Variants in SNTG1 observed in about 807,000 individuals in gnomAD.
SNTG1 encodes the protein gamma-1-syntrophin.
SNTG1 carries 39 observed loss-of-function variants against 74.7 expected under a neutral mutation model. That is an observed-to-expected ratio of 0.52 (90% CI 0.40 to 0.68). The LOEUF is 0.68. Among genes scored for constraint, SNTG1 ranks in the 30% least tolerant of loss-of-function variants. SNTG1 has a pLI of 0.00. For synonymous variants in SNTG1, 254 were observed against 217.1 expected, an observed-to-expected ratio of 1.17 and a Z score of -1.49; for missense variants, 685 against 609.5, an observed-to-expected ratio of 1.12 and a Z score of -1.30.
intron 9 of SNTG1, among the ~76,000 whole-genome samples, chr8:50,529,873 A>AGCAG (rs2094252064): frequency 6.6e-6 from 1 of 152,044 alleles, no homozygotes; most frequent in African/African-American, 2.4e-5. Context: ...GGTTTCTAAG[A>AGCAG]GCAGGCCACT....
At chr8:50,085,737 T>C (rs1045198803) in intron 1 of SNTG1, among the ~76,000 whole-genome samples, 1 of 152,194 alleles carries the variant, frequency 6.6e-6, no homozygotes, top group Non-Finnish European at 1.5e-5. Context: ...AGCTCATTAA[T>C]TCATCCACCA....
Position 50,061,441 on chromosome 8 carries a change from T to C in SNTG1, c.-102-111120T>C, listed in dbSNP as rs533931166. 3.3e-5 allele frequency among the ~76,000 whole-genome samples: 5 copies of C among 152,222 alleles called. No homozygotes were observed. The South Asian group carries it at 1.0e-3, about 32-fold the overall frequency. ...GTCATTTGTGCTAACAGTTTAATTTTATTGATTCTTTTAGAAAACCAGTTT... is the reference window on the plus strand; with the variant it reads ...GTCATTTGTGCTAACAGTTTAATTTCATTGATTCTTTTAGAAAACCAGTTT... On this transcript the variant is annotated intron_variant, in intron 1 of 18. Coordinates refer to ENST00000642720, the MANE Select transcript of SNTG1 (RefSeq NM_018967.5).
chr8:50,668,731 G>C (rs1168280819), intron 15 of SNTG1, among the ~76,000 whole-genome samples: 1 of 151,714 alleles, frequency 6.6e-6, no homozygotes, highest in East Asian at 1.9e-4. Context: ...ACTTCCATTT[G>C]TGAGTGAGAA....
At chr8:50,404,424 T>C (rs1352470462) in intron 4 of SNTG1, among the ~76,000 whole-genome samples, 1 of 152,048 alleles carries the variant, frequency 6.6e-6, no homozygotes, top group Non-Finnish European at 1.5e-5. Context: ...AAAATTTACA[T>C]GGAAATATAA....
intron 1 of SNTG1, among the ~76,000 whole-genome samples, chr8:50,056,969 G>T (rs530756874): frequency 6.6e-6 from 1 of 152,238 alleles, no homozygotes; most frequent in East Asian, 1.9e-4. Context: ...TGTGTTTTGA[G>T]ATTTAACTTA....
intron 1 of SNTG1, among the ~76,000 whole-genome samples, chr8:49,933,989 T>A (rs1807820501): frequency 6.6e-6 from 1 of 152,200 alleles, no homozygotes; most frequent in Non-Finnish European, 1.5e-5. Context: ...TCCAAGATGT[T>A]TCTTTCTTTC....
chr8:50,320,758 T>A (rs2090496303), intron 2 of SNTG1, among the ~76,000 whole-genome samples: 9 of 151,932 alleles, frequency 5.9e-5, no homozygotes, highest in Admixed American at 5.9e-4. Flanking sequence ...TCTTCTCAAT[T>A]TCTTCATTGA....
At chr8:50,441,045 T>C in intron 5 of SNTG1, among the ~76,000 whole-genome samples, 1 of 152,218 alleles carries the variant, frequency 6.6e-6, no homozygotes, top group East Asian at 1.9e-4. Context: ...GACTTTCCTG[T>C]CACAGTCACC....
At chr8:50,689,991 C>T (rs189759854) in intron 15 of SNTG1, among the ~76,000 whole-genome samples, 96 of 152,198 alleles carry the variant, frequency 6.3e-4, no homozygotes, top group South Asian at 2.5e-3. Flanking sequence ...ATGTATGTGT[C>T]GAGGAATTTA....
chr8:50,708,769 T>G lies in SNTG1; in HGVS notation c.1192-117T>G. 8.3e-6 allele frequency: 5 copies of G among 604,398 alleles called. No individual in the cohort carries two copies. The South Asian group carries it at 1.2e-4, about 14-fold the overall frequency. The allele number at this position is 604,398 out of a possible 1,614,324, so 37.4% of individuals were successfully genotyped here. A position where few individuals can be genotyped will look rare whatever the true frequency, so the allele number is the denominator to read the frequency against. On this transcript the variant is annotated intron_variant, in intron 16 of 18. Coordinates refer to ENST00000642720, the MANE Select transcript of SNTG1 (RefSeq NM_018967.5). ...AATACTCCCTTCTTTATACAATTATTGTTAATATTAAATTAGATATTGTAT... is the reference window on the plus strand; with the variant it reads ...AATACTCCCTTCTTTATACAATTATGGTTAATATTAAATTAGATATTGTAT...
chr8:50,413,139 T>C (rs2092970519), intron 4 of SNTG1, among the ~76,000 whole-genome samples: 2 of 152,194 alleles, frequency 1.3e-5, no homozygotes, highest in Admixed American at 1.3e-4. Context: ...AAAAGATATG[T>C]CATTATTTAC....
intron 4 of SNTG1, among the ~76,000 whole-genome samples, chr8:50,420,888 G>C (rs1176884192): frequency 6.6e-6 from 1 of 151,664 alleles, no homozygotes; most frequent in Non-Finnish European, 1.5e-5. Flanking sequence ...AGCTTTGTGT[G>C]GTGGCACGTG....
intron 2 of SNTG1, among the ~76,000 whole-genome samples, chr8:50,379,935 T>A (rs1353889741): frequency 2.0e-5 from 3 of 152,120 alleles, no homozygotes; most frequent in Admixed American, 6.5e-5. Context: ...CCAGCTCCCA[T>A]TTTCTGCCTG....
chr8:50,260,998 T>A (rs2087165024), intron 2 of SNTG1, among the ~76,000 whole-genome samples: 1 of 152,140 alleles, frequency 6.6e-6, no homozygotes, highest in Admixed American at 6.5e-5. Context: ...TTACTGATAG[T>A]GACAACTCTT....
At chr8:50,720,075 G>T (rs1051390802) in intron 17 of SNTG1, among the ~76,000 whole-genome samples, 10 of 152,146 alleles carry the variant, frequency 6.6e-5, no homozygotes, top group Non-Finnish European at 1.2e-4. Context: ...CAATGATAAT[G>T]CATTCCTGTT....
At position 50,667,974 on chromosome 8, in the gene SNTG1, G is replaced by A. The variant is rs555438132; in HGVS notation, c.1038+9311G>A. Among the ~76,000 whole-genome samples, 30 of 151,946 alleles carry A rather than the reference G, an allele frequency of 2.0e-4. No individual in the cohort carries two copies. The East Asian group carries it at 2.5e-3, about 13-fold the overall frequency. ...TGATTTTTAAAAAACGTTACAGGCCGTGCACTTAGGTTTTAGTGTTGCTGC... is the reference window on the plus strand; with the variant it reads ...TGATTTTTAAAAAACGTTACAGGCCATGCACTTAGGTTTTAGTGTTGCTGC... On this transcript the variant is annotated intron_variant, in intron 15 of 18. Transcript: ENST00000642720.
chr8:50,189,088 A>G (rs1282962231), intron 2 of SNTG1, among the ~76,000 whole-genome samples: 2 of 152,126 alleles, frequency 1.3e-5, no homozygotes, highest in African/African-American at 4.8e-5. Context: ...GTCTCACAGG[A>G]ATAGCACAAA....
intron 18 of SNTG1, among the ~76,000 whole-genome samples, chr8:50,780,229 G>A (rs1383419412): frequency 1.3e-5 from 2 of 152,168 alleles, no homozygotes; most frequent in Admixed American, 6.5e-5. Context: ...AAATGAGTTA[G>A]GGAGGATTCC....
At chr8:49,993,243 C>T (rs985864535) in intron 1 of SNTG1, among the ~76,000 whole-genome samples, 2 of 151,956 alleles carry the variant, frequency 1.3e-5, no homozygotes, top group Non-Finnish European at 1.5e-5. Context: ...AGGGCCAAAG[C>T]GGGAGGGGGG....
Sources: allele counts gnomAD v4.1 joint callset (sites outside exome capture counted in the v4.1 genomes callset), GRCh38; gene constraint gnomAD v4.1.1; transcripts MANE v1.5; gene names NCBI Gene and HGNC (gene_info 2026-07-23, HGNC 2026-07-21).